ZNF385D: variants seen among roughly 807,000 people sequenced by gnomAD.
ZNF385D encodes zinc finger protein 659.
A neutral mutation model predicts 35.8 loss-of-function variants in ZNF385D; 15 were observed. That is an observed-to-expected ratio of 0.42 (90% CI 0.28 to 0.64). The LOEUF (loss-of-function observed/expected upper bound fraction) is 0.64. Ranked by LOEUF, ZNF385D falls within the 30% of genes least tolerant of loss-of-function variation. The pLI, the probability that ZNF385D is intolerant of heterozygous loss-of-function variation, is 0.23. For synonymous variants in ZNF385D, 212 were observed against 186.8 expected (o/e 1.13, Z -1.10); for missense variants, 474 against 494.6 (o/e 0.96, Z 0.39).
intron 2 of ZNF385D, among the ~76,000 whole-genome samples, chr3:21,604,731 G>A (rs58264837): frequency 6.6e-6 from 1 of 152,138 alleles, no homozygotes; most frequent in African/African-American, 2.4e-5. Context: ...AAGAGTCTGA[G>A]TGAACAGTGA....
chr3:22,206,302 A>G (rs958002241), intron 2 of ZNF385D, among the ~76,000 whole-genome samples: 1 of 152,060 alleles, frequency 6.6e-6, no homozygotes, highest in Admixed American at 6.6e-5. Flanking sequence ...AGAGCTAAAG[A>G]GAGAGATAGA....
At chr3:22,005,936 C>A (rs1027890561) in intron 3 of ZNF385D, among the ~76,000 whole-genome samples, 5 of 152,076 alleles carry the variant, frequency 3.3e-5, no homozygotes, top group South Asian at 2.1e-4. Flanking sequence ...GCACTATTCA[C>A]AGATATTTAA....
chr3:22,136,576 C>T (rs1277444090), intron 3 of ZNF385D, among the ~76,000 whole-genome samples: 1 of 151,922 alleles, frequency 6.6e-6, no homozygotes, highest in African/African-American at 2.4e-5. Context: ...AGGAAAAATC[C>T]AATTTACAAA....
chr3:22,104,629 G>A (rs543856561), intron 3 of ZNF385D, among the ~76,000 whole-genome samples: 3 of 151,086 alleles, frequency 2.0e-5, no homozygotes, highest in South Asian at 2.1e-4. Flanking sequence ...ACATAAAAAC[G>A]ACAACAGGCA....
intron 4 of ZNF385D, among the ~76,000 whole-genome samples, chr3:21,461,824 T>C (rs1057332604): frequency 5.3e-5 from 8 of 152,216 alleles, no homozygotes; most frequent in Admixed American, 4.6e-4. Flanking sequence ...GCTTATTGGA[T>C]GGCTACAAAT....
intron 2 of ZNF385D, among the ~76,000 whole-genome samples, chr3:21,569,248 G>C (rs1382166122): frequency 1.3e-5 from 2 of 149,802 alleles, no homozygotes; most frequent in Non-Finnish European, 3.0e-5. Context: ...GGGTGCTCCT[G>C]TATTGGGTGC....
intron 3 of ZNF385D, among the ~76,000 whole-genome samples, chr3:22,135,874 T>G (rs1559397168): frequency 6.6e-6 from 1 of 152,094 alleles, no homozygotes; most frequent in African/African-American, 2.4e-5. Flanking sequence ...AACAATTAAA[T>G]AAAGAAAGGT....
intron 1 of ZNF385D, among the ~76,000 whole-genome samples, chr3:21,717,586 A>T (rs1176903590): frequency 6.6e-6 from 1 of 152,148 alleles, no homozygotes; most frequent in African/African-American, 2.4e-5. Flanking sequence ...CCCAAATCTC[A>T]CATTAAATTG....
At position 21,447,093 on chromosome 3, in the gene ZNF385D, G is replaced by T. The variant is rs1702195616; in HGVS notation, c.440-9890C>A. ...TAATCCAAACCTAAGTTCATCAGAAGGTAAGATTGTTAGGCCTTGTTCTAG... is the reference window on the plus strand; with the variant it reads ...TAATCCAAACCTAAGTTCATCAGAATGTAAGATTGTTAGGCCTTGTTCTAG... On this transcript the variant is annotated intron_variant, in intron 4 of 7. Transcript: ENST00000281523. Among the ~76,000 whole-genome samples the T allele has an allele frequency of 2.0e-5, 3 of 152,140 alleles. No homozygotes were observed. The South Asian group carries it at 6.2e-4, about 31-fold the overall frequency.
chr3:21,688,169 G>T (rs1299381699), intron 1 of ZNF385D, among the ~76,000 whole-genome samples: 1 of 151,936 alleles, frequency 6.6e-6, no homozygotes, highest in Non-Finnish European at 1.5e-5. Flanking sequence ...CTATGTATTT[G>T]AGGGGAACAA....
At chr3:21,893,919 G>A (rs975983136) in intron 3 of ZNF385D, among the ~76,000 whole-genome samples, 9 of 151,992 alleles carry the variant, frequency 5.9e-5, no homozygotes, top group Non-Finnish European at 1.0e-4. Flanking sequence ...TCATTGTACA[G>A]GTTGTATAGC....
rs902540407 is a variant in ZNF385D at position 21,419,652 on chromosome 3, T to A, written c.*1562A>T. ...TTATTAATGCAACAGACTGGCTGCA[T>A]CAAACCCCACCATTTTGATAGGTAT... On this transcript the variant is annotated 3_prime_UTR_variant, in exon 8 of 8. Transcript: ENST00000281523. The A allele has an allele frequency of 6.6e-6, 1 of 152,110 alleles. No homozygotes were observed. Among genetic ancestry groups the A allele is most frequent in the Non-Finnish European group, 1.5e-5 (1 of 67,992 alleles). The allele number at this position is 152,110 out of a possible 1,614,324, so 9.4% of individuals were successfully genotyped here. A position where few individuals can be genotyped will look rare whatever the true frequency, so the allele number is the denominator to read the frequency against.
chr3:21,456,560 G>A (rs55878001), intron 4 of ZNF385D, among the ~76,000 whole-genome samples: 42,004 of 151,882 alleles, frequency 0.28, 6,458 homozygotes, highest in East Asian at 0.43. Flanking sequence ...CACAGGAAGG[G>A]GAACATCACA....
chr3:21,986,631 A>T (rs939440278), intron 3 of ZNF385D, among the ~76,000 whole-genome samples: 1 of 147,502 alleles, frequency 6.8e-6, no homozygotes, highest in African/African-American at 2.6e-5. Flanking sequence ...GTGCTGAAAA[A>T]AATGTATATT....
At chr3:21,734,735 T>C (rs1009165265) in intron 1 of ZNF385D, among the ~76,000 whole-genome samples, 1 of 152,114 alleles carries the variant, frequency 6.6e-6, no homozygotes, top group African/African-American at 2.4e-5. Flanking sequence ...GGACCCCACG[T>C]GTCAGGAAAT....
At chr3:21,721,185 T>C (rs1232840121) in intron 1 of ZNF385D, among the ~76,000 whole-genome samples, 1 of 152,070 alleles carries the variant, frequency 6.6e-6, no homozygotes, top group Non-Finnish European at 1.5e-5. Context: ...TGTCTATGAG[T>C]CCCCTAAAAG....
chr3:22,033,951 T>TA (rs1458958062), intron 3 of ZNF385D, among the ~76,000 whole-genome samples: 1 of 152,202 alleles, frequency 6.6e-6, no homozygotes, highest in Non-Finnish European at 1.5e-5. Flanking sequence ...GCTGAGCAAC[T>TA]ACTTTCTCCA....
chr3:21,719,612 A>T (rs2068457355), intron 1 of ZNF385D, among the ~76,000 whole-genome samples: 1 of 152,202 alleles, frequency 6.6e-6, no homozygotes, highest in Non-Finnish European at 1.5e-5. Flanking sequence ...AAGCATGTAT[A>T]GCTACTGCAC....
chr3:21,661,886 A>T (rs1182011533), intron 2 of ZNF385D, among the ~76,000 whole-genome samples: 1 of 152,112 alleles, frequency 6.6e-6, no homozygotes, highest in South Asian at 2.1e-4. Context: ...CCCAAACTTC[A>T]TGGTTTATGC....
Sources: gnomAD v4.1 joint callset for allele counts (sites outside exome capture counted in the v4.1 genomes callset) on GRCh38, gnomAD v4.1.1 for gene constraint, MANE v1.5 for transcripts, NCBI Gene and HGNC (gene_info 2026-07-23, HGNC 2026-07-21) for gene names.